KEAP1: variants seen among roughly 807,000 people sequenced by gnomAD.
KEAP1 encodes the protein kelch-like ECH-associated protein 1.
KEAP1 carries 26 observed loss-of-function variants against 59.7 expected under a neutral mutation model. The ratio of observed to expected loss-of-function variants is 0.44; its 90% CI spans 0.32 to 0.60. The LOEUF (loss-of-function observed/expected upper bound fraction) is 0.60. Among genes scored for constraint, KEAP1 ranks in the 20% least tolerant of loss-of-function variants. KEAP1 has a pLI of 0.06. For synonymous variants in KEAP1, 350 were observed against 358.3 expected, an observed-to-expected ratio of 0.98 and a Z score of 0.26; for missense variants, 539 against 871.4, an observed-to-expected ratio of 0.62 and a Z score of 4.80.
Position 10,496,831 on chromosome 19 carries a change from G to A in KEAP1, c.639+2564C>T, listed in dbSNP as rs547332863. Among the ~76,000 whole-genome samples, 4 of 150,862 alleles carry A rather than the reference G, an allele frequency of 2.7e-5. No homozygotes were observed. The East Asian group carries it at 7.9e-4, about 30-fold the overall frequency. ...ACAAAAAAGGACTGGGCGGTGGGGG[G>A]CGGGCGTGGGCGCAGTGTCTCATGC... On this transcript the variant is annotated intron_variant, in intron 2 of 5. Coordinates refer to ENST00000171111, the MANE Select transcript of KEAP1 (RefSeq NM_203500.2).
In KEAP1 at chr19:10,487,119, G is replaced by A. The variant is rs182538840; in HGVS notation, c.1709-301C>T. Among the ~76,000 whole-genome samples, 14 of 151,612 alleles carry A rather than the reference G, an allele frequency of 9.2e-5. No homozygotes were observed. In the East Asian group the frequency reaches 2.5e-3, roughly 27 times the overall value. ...AGCACTTTGGGAGACTGAGGTGGGTGGATCACTTGAGTCCAGGAGTTTGAG... is the reference window on the plus strand; with the variant it reads ...AGCACTTTGGGAGACTGAGGTGGGTAGATCACTTGAGTCCAGGAGTTTGAG... On this transcript the variant is annotated intron_variant, in intron 5 of 5. Transcript: ENST00000171111.
At chr19:10,497,206 A>G (rs961808443) in intron 2 of KEAP1, among the ~76,000 whole-genome samples, 5 of 152,198 alleles carry the variant, frequency 3.3e-5, no homozygotes, top group Admixed American at 2.0e-4. Flanking sequence ...AACACAAGAA[A>G]GAAACACTGT....
intron 3 of KEAP1, 139 bp from the exon 4 acceptor site, chr19:10,489,992 C>T (rs890290509): frequency 4.8e-6 from 4 of 830,728 alleles, no homozygotes; most frequent in Non-Finnish European, 7.4e-6. Context: ...TGGCTCATGC[C>T]TGTAATCCCA....
intron 1 of KEAP1, among the ~76,000 whole-genome samples, chr19:10,501,503 G>A (rs976603319): frequency 5.9e-5 from 9 of 151,754 alleles, no homozygotes; most frequent in Non-Finnish European, 8.8e-5. Flanking sequence ...GGCGGCGGGC[G>A]CCTGTAGTCC....
chr19:10,491,996 G>A lies in KEAP1; in HGVS notation c.906C>T (p.Val302=), dbSNP rs1914691440. 1 of 1,614,080 alleles carries A rather than the reference G, an allele frequency of 6.2e-7. No homozygotes were observed. The highest frequency in any genetic ancestry group is 1.3e-5 in the African/African-American group (1 of 75,064). ...QSDSRCKDYL[V]KIFEELTLHK... Reference sequence around the variant, plus strand: ...GCAGGGTGAGCTCCTCGAAGATCTTGACCAGGTAGTCCTTGCAGCGGGAGT... The same window carrying A: ...GCAGGGTGAGCTCCTCGAAGATCTTAACCAGGTAGTCCTTGCAGCGGGAGT... Residue 302 remains valine, a synonymous_variant, in exon 3 of 6, where the codon GTC becomes GTT. Coordinates refer to ENST00000171111, the MANE Select transcript of KEAP1 (RefSeq NM_203500.2). This position sits in a 1 kb window ranked among gnomAD's most constrained non-coding sequence, Gnocchi z 5.2.
intron 2 of KEAP1, among the ~76,000 whole-genome samples, chr19:10,493,878 C>G (rs1914763464): frequency 6.6e-6 from 1 of 151,764 alleles, no homozygotes. Context: ...AACTCTTGAC[C>G]TTAGGTGATC....
chr19:10,489,094 TAAAAAAAAAAAA>T lies in KEAP1; in HGVS notation c.1708+86_1708+97del, dbSNP rs33966407. 75 of 425,414 alleles carry T rather than the reference TAAAAAAAAAAAA, an allele frequency of 1.8e-4. No individual in the cohort carries two copies. The South Asian group carries it at 2.2e-3, about 12-fold the overall frequency. 26.4% of individuals were successfully genotyped at this position (425,414 alleles called of 1,614,324 possible). On this transcript the variant is annotated intron_variant, in intron 5 of 5. Transcript: ENST00000171111. ...GGGCAACAGAGCGAGACCTTGTTTC[TAAAAAAAAAAAA>T]AAAAAAAAAAAAAAGGAAAGCAAAA...
Position 10,489,290 on chromosome 19 carries a change from T to C in KEAP1, c.1610A>G (p.Tyr537Cys), listed in dbSNP as rs2144586953. ...AGTCCACGTCTCTGTTTCCACATCG[T>C]AGCGCTCCACGCTGTTCAGCTGGTC... is the stretch of plus-strand genomic sequence containing the variant. ...GQDQLNSVER[Y>C]DVETETWTFV... The change falls in exon 5 of 6, where the codon TAC becomes TGC. Residue 537 changes from tyrosine to cysteine, a missense_variant. By Grantham distance (194) the Tyr-to-Cys change is radical (BLOSUM62 -2). Coordinates refer to ENST00000171111, the MANE Select transcript of KEAP1 (RefSeq NM_203500.2). The C allele has an allele frequency of 6.2e-7, 1 of 1,614,050 alleles. No homozygotes were observed. Among genetic ancestry groups the C allele is most frequent in the Non-Finnish European group, 8.5e-7 (1 of 1,180,008 alleles).
At chr19:10,489,488 G>A (rs541335337) in intron 4 of KEAP1, 120 bp from the exon 5 acceptor site, 25 of 1,262,984 alleles carry the variant, frequency 2.0e-5, no homozygotes, top group Admixed American at 4.4e-5. Flanking sequence ...GAAATGAAGC[G>A]GGGAGAGAGA....
chr19:10,489,980 G>T, intron 3 of KEAP1, 127 bp from the exon 4 acceptor site: 2 of 899,080 alleles, frequency 2.2e-6, no homozygotes, highest in Non-Finnish European at 3.4e-6. Context: ...CATCCGGCGC[G>T]ATGGCTCATG....
intron 2 of KEAP1, among the ~76,000 whole-genome samples, chr19:10,495,864 C>A (rs532941854): frequency 1.4e-4 from 21 of 152,126 alleles, no homozygotes; most frequent in African/African-American, 4.6e-4. Flanking sequence ...AGTAAGGCTA[C>A]TTCTAGGGTA....
chr19:10,491,495 A>C lies in KEAP1; in HGVS notation c.1325+82T>G, dbSNP rs980487290. The C allele has an allele frequency of 1.1e-5, 13 of 1,237,594 alleles. No individual in the cohort carries two copies. The highest frequency in any genetic ancestry group is 1.4e-5 in the Non-Finnish European group (13 of 920,430). 76.7% of individuals were successfully genotyped at this position (1,237,594 alleles called of 1,614,324 possible). On this transcript the variant is annotated intron_variant, in intron 3 of 5. Transcript: ENST00000171111. The surrounding 1 kb of genome is among the most constrained non-coding windows in gnomAD (Gnocchi z 5.2). ...GAAGACAGGAAGAGGAAACAGCCTCAGGAAGAATACCCGGATCTCAGTGTC... is the reference window on the plus strand; with the variant it reads ...GAAGACAGGAAGAGGAAACAGCCTCCGGAAGAATACCCGGATCTCAGTGTC...
rs1477335446 is a variant in KEAP1 at position 10,486,619 on chromosome 19, G to A, written c.*33C>T. 2 of 1,601,398 alleles carry A rather than the reference G, an allele frequency of 1.2e-6. No individual in the cohort carries two copies. Among genetic ancestry groups the A allele is most frequent in the Admixed American group, 3.4e-5 (2 of 59,260 alleles). ...TACAAAAACAATGATACTCCCCATT[G>A]GACTGTATTTTTGCCCAAGAAACAA... On this transcript the variant is annotated 3_prime_UTR_variant, in exon 6 of 6. Transcript: ENST00000171111.
chr19:10,490,073 A>G (rs983445622), intron 3 of KEAP1, among the ~76,000 whole-genome samples: 28 of 151,834 alleles, frequency 1.8e-4, no homozygotes, highest in African/African-American at 6.5e-4. Flanking sequence ...CCAACATGGT[A>G]AAAACCTGTC....
At chr19:10,487,334 G>A (rs567991483) in intron 5 of KEAP1, among the ~76,000 whole-genome samples, 4 of 151,946 alleles carry the variant, frequency 2.6e-5, no homozygotes, top group Non-Finnish European at 5.9e-5. Flanking sequence ...GCAACAGAGT[G>A]AGACCCTATC....
intron 5 of KEAP1, among the ~76,000 whole-genome samples, chr19:10,487,029 C>T (rs929482724): frequency 2.7e-5 from 3 of 110,956 alleles, no homozygotes; most frequent in African/African-American, 1.2e-4. Context: ...AAACCTTAGT[C>T]TCTTACTAAA....
In KEAP1 at chr19:10,491,885, G is replaced by A. The variant is rs1309091914; in HGVS notation, c.1017C>T (p.Leu339=). 5.0e-6 allele frequency: 8 copies of A among 1,613,314 alleles called. No homozygotes were observed. The highest frequency in any genetic ancestry group is 1.3e-5 in the African/African-American group (1 of 75,054). Residue 339 remains leucine (L), a synonymous_variant, in exon 3 of 6, where the codon CTC becomes CTT. Transcript: ENST00000171111. The surrounding 1 kb of genome is among the most constrained non-coding windows in gnomAD (Gnocchi z 5.2). ...TGGGGTTGTAAGCCTCCAGGTAGCT[G>A]AGCGACTGTCGGAAGTAGCCGCCCG... ...YTAGGYFRQS[L]SYLEAYNPSD... is the part of the protein sequence containing the mutation.
In KEAP1 at chr19:10,489,176, G is replaced by GCC. The variant is rs750059512; in HGVS notation, c.1708+14_1708+15dup. The GCC allele has an allele frequency of 9.0e-6, 13 of 1,449,508 alleles. No individual in the cohort carries two copies. The South Asian group carries it at 1.5e-4, about 17-fold the overall frequency. 89.8% of individuals were successfully genotyped at this position (1,449,508 alleles called of 1,614,324 possible). Reference sequence around the variant, plus strand: ...GATGGGCTAGTCAGGACTCTTCCCCGCCCCCAGGGCCTCACCAAGGACGTA... The same window carrying GCC: ...GATGGGCTAGTCAGGACTCTTCCCCGCCCCCCCAGGGCCTCACCAAGGACGTA... On this transcript the variant is annotated intron_variant, in intron 5 of 5. Coordinates refer to ENST00000171111, the MANE Select transcript of KEAP1 (RefSeq NM_203500.2).
chr19:10,498,281 C>G (rs967661667), intron 2 of KEAP1, among the ~76,000 whole-genome samples: 5 of 149,306 alleles, frequency 3.3e-5, no homozygotes, highest in African/African-American at 1.2e-4. Context: ...CTCACTGCAA[C>G]CTCCACCTCC....
Sources: allele counts gnomAD v4.1 joint callset (sites outside exome capture counted in the v4.1 genomes callset), GRCh38; gene constraint gnomAD v4.1.1; non-coding constraint Gnocchi (gnomAD v3.1); transcripts MANE v1.5; gene names NCBI Gene and HGNC (gene_info 2026-07-23, HGNC 2026-07-21).